Variants in AIG1 observed in about 807,000 individuals in gnomAD.
The protein encoded by AIG1 is androgen induced 1, also known as androgen-induced gene 1 protein.
A neutral mutation model predicts 31.4 loss-of-function variants in AIG1; 23 were observed. The observed-to-expected ratio is 0.73, with a 90% CI of 0.53 to 1.04. The LOEUF is 1.04. Among genes scored for constraint, AIG1 ranks in the 50% least tolerant of loss-of-function variants. AIG1 has a pLI of 0.00. For missense variants in AIG1, 274 were observed against 295.0 expected (o/e 0.93, Z 0.52); for synonymous variants, 100 against 110.5 (o/e 0.90, Z 0.60).
At chr6:143,080,313 G>A (rs1778119488) in intron 1 of AIG1, among the ~76,000 whole-genome samples, 1 of 152,156 alleles carries the variant, frequency 6.6e-6, no homozygotes, top group African/African-American at 2.4e-5. Flanking sequence ...GTCCGCGGTA[G>A]ATCTTAGTCA....
chr6:143,300,426 G>C (rs1798744513), intron 4 of AIG1, among the ~76,000 whole-genome samples: 1 of 152,138 alleles, frequency 6.6e-6, no homozygotes, highest in Non-Finnish European at 1.5e-5. Flanking sequence ...AACACAACTG[G>C]AAAGAGGCAA....
intron 3 of AIG1, among the ~76,000 whole-genome samples, chr6:143,210,927 A>T (rs1489349418): frequency 2.0e-5 from 3 of 152,224 alleles, no homozygotes; most frequent in Non-Finnish European, 4.4e-5. Context: ...TTGAACACCA[A>T]AAAGGTAGAA....
At chr6:143,149,185 A>T (rs1784960202) in intron 2 of AIG1, among the ~76,000 whole-genome samples, 1 of 152,152 alleles carries the variant, frequency 6.6e-6, no homozygotes, top group Non-Finnish European at 1.5e-5. Flanking sequence ...ATCTATGTAC[A>T]TGAGGCCTGA....
intron 3 of AIG1, among the ~76,000 whole-genome samples, chr6:143,216,187 A>G (rs1215967341): frequency 6.6e-6 from 1 of 152,202 alleles, no homozygotes; most frequent in Non-Finnish European, 1.5e-5. Flanking sequence ...TTCCTTCAGT[A>G]GACCCTTTCT....
chr6:143,149,489 T>C, intron 2 of AIG1, among the ~76,000 whole-genome samples: 1 of 132,806 alleles, frequency 7.5e-6, no homozygotes. Context: ...ATCGCGCCAC[T>C]GCACTCGCAC....
chr6:143,166,837 A>T (rs950513593), intron 3 of AIG1, among the ~76,000 whole-genome samples: 2 of 152,184 alleles, frequency 1.3e-5, no homozygotes, highest in Non-Finnish European at 2.9e-5. Flanking sequence ...AATCTCAGAA[A>T]CCTTATATAA....
intron 1 of AIG1, chr6:143,061,569 G>A (rs1477485171): frequency 6.6e-6 from 2 of 302,614 alleles, no homozygotes; most frequent in South Asian, 3.0e-5. Context: ...GGGAGAGAAA[G>A]CACCTAATAA....
intron 3 of AIG1, among the ~76,000 whole-genome samples, chr6:143,247,223 C>T (rs923501116): frequency 3.3e-5 from 5 of 152,212 alleles, no homozygotes; most frequent in African/African-American, 1.2e-4. Context: ...CCTCCGCCTC[C>T]TGGGTTCAGG....
intron 3 of AIG1, among the ~76,000 whole-genome samples, chr6:143,229,255 G>T (rs1223290448): frequency 6.6e-6 from 1 of 152,240 alleles, no homozygotes; most frequent in East Asian, 1.9e-4. Flanking sequence ...GGAGACTTAA[G>T]TTGTAATTCT....
intron 3 of AIG1, among the ~76,000 whole-genome samples, chr6:143,265,398 C>A (rs1015083510): frequency 4.6e-5 from 7 of 152,134 alleles, no homozygotes; most frequent in Non-Finnish European, 1.0e-4. Flanking sequence ...AATCCAGGAA[C>A]TCTGTTTTAT....
chr6:143,158,058 C>T (rs981807699), intron 2 of AIG1, among the ~76,000 whole-genome samples: 6 of 152,152 alleles, frequency 3.9e-5, no homozygotes, highest in Admixed American at 6.5e-5. Flanking sequence ...TCCTGGAGAA[C>T]GGCCTCTGTG....
intron 3 of AIG1, among the ~76,000 whole-genome samples, chr6:143,251,608 G>A (rs1017435313): frequency 6.6e-6 from 1 of 152,156 alleles, no homozygotes; most frequent in African/African-American, 2.4e-5. Flanking sequence ...TATTATGGGT[G>A]CATAATACCT....
intron 1 of AIG1, among the ~76,000 whole-genome samples, chr6:143,096,140 T>A (rs1779768147): frequency 6.6e-6 from 1 of 151,978 alleles, no homozygotes; most frequent in Admixed American, 6.6e-5. Context: ...TCTCCTGACC[T>A]TGGAATTTGC....
At chr6:143,060,440 T>G (rs1353518279), upstream of AIG1, 1 of 208,172 alleles carries the variant, frequency 4.8e-6, no homozygotes, top group Non-Finnish European at 1.1e-5. Flanking sequence ...GGAACATTTG[T>G]GGACACTGGG....
intron 4 of AIG1, among the ~76,000 whole-genome samples, chr6:143,312,396 A>G (rs1411008359): frequency 2.0e-5 from 3 of 152,160 alleles, no homozygotes; most frequent in Non-Finnish European, 4.4e-5. Flanking sequence ...GAACCCAGAA[A>G]CAAATCCAAA....
chr6:143,107,204 A>G (rs187139834), intron 1 of AIG1, among the ~76,000 whole-genome samples: 106 of 152,358 alleles, frequency 7.0e-4, no homozygotes, highest in African/African-American at 2.5e-3. Flanking sequence ...GAAAGCCTTC[A>G]TTAAAAGAAT....
At chr6:143,119,298 T>A (rs1272156259) in intron 1 of AIG1, among the ~76,000 whole-genome samples, 2 of 152,214 alleles carry the variant, frequency 1.3e-5, no homozygotes, top group African/African-American at 4.8e-5. Context: ...TGCATCTCTT[T>A]AGAGATTTTT....
intron 1 of AIG1, among the ~76,000 whole-genome samples, chr6:143,069,399 A>C (rs543208557): frequency 6.6e-6 from 1 of 152,116 alleles, no homozygotes; most frequent in Non-Finnish European, 1.5e-5. Context: ...TAGATGCACA[A>C]TTTTCCAGAG....
intron 3 of AIG1, among the ~76,000 whole-genome samples, chr6:143,262,880 T>C (rs969119104): frequency 2.4e-4 from 37 of 152,168 alleles, no homozygotes; most frequent in African/African-American, 8.0e-4. Flanking sequence ...CTCAAATGCG[T>C]TGTTATTGCA....
Sources: gnomAD v4.1 joint callset for allele counts (sites outside exome capture counted in the v4.1 genomes callset) on GRCh38, gnomAD v4.1.1 for gene constraint, MANE v1.5 for transcripts, NCBI Gene and HGNC (gene_info 2026-07-23, HGNC 2026-07-21) for gene names.